Variants in MKLN1 observed in about 807,000 individuals in gnomAD.
The protein encoded by MKLN1 is muskelin.
In MKLN1, 18 loss-of-function variants were observed where a neutral mutation model predicts 99.0. The observed-to-expected ratio is 0.18, with a 90% CI of 0.13 to 0.27. MKLN1 has a LOEUF of 0.27. MKLN1 is among the 10% of genes least tolerant of loss of function. MKLN1 has a pLI of 1.00. For missense variants in MKLN1, 621 were observed against 875.9 expected, an observed-to-expected ratio of 0.71 and a Z score of 3.67; for synonymous variants, 288 against 293.2, an observed-to-expected ratio of 0.98 and a Z score of 0.18.
At chr7:131,372,458 C>T (rs1302480833) in intron 1 of MKLN1, among the ~76,000 whole-genome samples, 5 of 152,050 alleles carry the variant, frequency 3.3e-5, no homozygotes, top group African/African-American at 7.2e-5. Context: ...ACTTAGTATA[C>T]GTTCTTTGTC....
At chr7:131,360,238 A>G (rs1269585176) in intron 1 of MKLN1, among the ~76,000 whole-genome samples, 3 of 151,720 alleles carry the variant, frequency 2.0e-5, no homozygotes, top group Non-Finnish European at 2.9e-5. Flanking sequence ...TTTTTTATCT[A>G]CTCTAACAGC....
chr7:131,127,624 C>T (rs1213832336), intron 1 of MKLN1, among the ~76,000 whole-genome samples: 2 of 152,228 alleles, frequency 1.3e-5, no homozygotes, highest in Admixed American at 1.3e-4. Flanking sequence ...ATACTCAGAA[C>T]AGTGTCTAAC....
At chr7:131,231,383 AAG>A (rs1797242163) in intron 3 of MKLN1, among the ~76,000 whole-genome samples, 1 of 152,088 alleles carries the variant, frequency 6.6e-6, no homozygotes, top group Non-Finnish European at 1.5e-5. Flanking sequence ...ATGCAGCCTG[AAG>A]CACTTGGCTC....
chr7:131,277,949 G>A (rs1436965670), intron 3 of MKLN1, among the ~76,000 whole-genome samples: 2 of 152,130 alleles, frequency 1.3e-5, no homozygotes, highest in Non-Finnish European at 2.9e-5. Flanking sequence ...ATCAATAGAT[G>A]TAAGATCTGC....
intron 7 of MKLN1, among the ~76,000 whole-genome samples, chr7:131,414,232 C>T (rs749405170): frequency 1.3e-5 from 2 of 152,010 alleles, no homozygotes; most frequent in Non-Finnish European, 2.9e-5. Context: ...TTTGATAACT[C>T]GACTTTAAAA....
chr7:131,275,565 A>ATG (rs1429291720), intron 3 of MKLN1, among the ~76,000 whole-genome samples: 1 of 6,610 alleles, frequency 1.5e-4, no homozygotes, highest in African/African-American at 5.6e-4. Flanking sequence ...ATATATATAT[A>ATG]TATTTTTTTT....
At chr7:131,330,122 T>G (rs150183297) in intron 1 of MKLN1, among the ~76,000 whole-genome samples, 1 of 152,220 alleles carries the variant, frequency 6.6e-6, no homozygotes, top group Admixed American at 6.5e-5. Flanking sequence ...TCTGAACTTC[T>G]ATAAGCAAGC....
chr7:131,124,721 G>T (rs1433685210), intron 1 of MKLN1, among the ~76,000 whole-genome samples: 2 of 152,054 alleles, frequency 1.3e-5, no homozygotes, highest in African/African-American at 4.8e-5. Flanking sequence ...TTGGATGTGG[G>T]TCCCTTGTCT....
In MKLN1 at chr7:131,494,784, T is replaced by G. The variant is rs1267985550; in HGVS notation, c.*7056T>G. 1 of 152,232 alleles carries G rather than the reference T, an allele frequency of 6.6e-6. No individual in the cohort carries two copies. Among genetic ancestry groups the G allele is most frequent in the East Asian group, 1.9e-4 (1 of 5,206 alleles). 9.4% of individuals were successfully genotyped at this position (152,232 alleles called of 1,614,324 possible). On this transcript the variant is annotated 3_prime_UTR_variant, in exon 18 of 18. Transcript: ENST00000352689. ...TTACTTTTTGGATTTGTGTGAAATG[T>G]CTTTTGAAAAGAAAGTAGATAGTAT...
At chr7:131,467,666 G>A (rs1188736112) in intron 15 of MKLN1, among the ~76,000 whole-genome samples, 1 of 152,152 alleles carries the variant, frequency 6.6e-6, no homozygotes, top group Non-Finnish European at 1.5e-5. Flanking sequence ...AGGAAATGAG[G>A]TTGAAAGGAC....
chr7:131,235,121 G>T (rs1410537853), intron 3 of MKLN1, among the ~76,000 whole-genome samples: 6 of 151,934 alleles, frequency 3.9e-5, no homozygotes, highest in Admixed American at 3.9e-4. Context: ...CTTATAGGTG[G>T]CTGGGATCAG....
chr7:131,435,159 T>C (rs1795640198), intron 9 of MKLN1, among the ~76,000 whole-genome samples: 1 of 152,364 alleles, frequency 6.6e-6, no homozygotes, highest in Admixed American at 6.5e-5. Flanking sequence ...TGTCAGATTA[T>C]CCTGATTGAT....
Position 131,470,938 on chromosome 7 carries a change from A to G in MKLN1, c.2025A>G (p.Thr675=), listed in dbSNP as rs767454027. ...ITVDHSDPEE[T]KEFQLLASAL... ...TGGATCATTCAGACCCAGAAGAGAC[A>G]AAAGAGGTAAAGAAAGGTGGTAATA... Residue 675 remains threonine, a synonymous_variant, in exon 16 of 18, where the codon ACA becomes ACG. Coordinates refer to ENST00000352689, the MANE Select transcript of MKLN1 (RefSeq NM_013255.5). 4.4e-6 allele frequency: 7 copies of G among 1,590,044 alleles called. No individual in the cohort carries two copies. Among genetic ancestry groups the G allele is most frequent in the South Asian group, 2.3e-5 (2 of 88,120 alleles).
chr7:131,302,910 G>A (rs1050923286), intron 3 of MKLN1, among the ~76,000 whole-genome samples: 2 of 152,132 alleles, frequency 1.3e-5, no homozygotes, highest in African/African-American at 2.4e-5. Flanking sequence ...CTGGCTGGTC[G>A]CTGAGAGGCC....
At chr7:131,357,290 G>C (rs1378970952) in intron 1 of MKLN1, among the ~76,000 whole-genome samples, 4 of 152,142 alleles carry the variant, frequency 2.6e-5, no homozygotes, top group Admixed American at 6.5e-5. Context: ...GTACTGGACA[G>C]GTGTATTGTA....
rs567012575 is a variant in MKLN1, at chr7:131,282,120, C to T, written c.-179+79146C>T. Among the ~76,000 whole-genome samples, 333 of 152,122 alleles carry T rather than the reference C, an allele frequency of 2.2e-3. 1 individual carries two copies. Among genetic ancestry groups the T allele is most frequent in the Admixed American group, 3.9e-3 (60 of 15,296 alleles). Reference sequence around the variant, plus strand: ...ATCCCAGCACTTTGGGAGGCCAAGGCGGGTGGATTACCTGAGTTTGGGAGT... The same window carrying T: ...ATCCCAGCACTTTGGGAGGCCAAGGTGGGTGGATTACCTGAGTTTGGGAGT... On this transcript the variant is annotated intron_variant, in intron 3 of 7. Coordinates refer to the MKLN1 transcript ENST00000416992.
At chr7:131,249,817 G>A (rs1163698087) in intron 3 of MKLN1, among the ~76,000 whole-genome samples, 2 of 152,108 alleles carry the variant, frequency 1.3e-5, no homozygotes, top group Non-Finnish European at 2.9e-5. Context: ...CAGGGGAAGG[G>A]GCAGGAGATG....
chr7:131,185,768 T>C (rs1796441341), intron 2 of MKLN1, among the ~76,000 whole-genome samples: 1 of 152,086 alleles, frequency 6.6e-6, no homozygotes, highest in South Asian at 2.1e-4. Flanking sequence ...GTGTGTGAAA[T>C]GGTGATAATT....
intron 3 of MKLN1, among the ~76,000 whole-genome samples, chr7:131,246,838 G>T (rs1446535806): frequency 6.6e-6 from 1 of 152,076 alleles, no homozygotes; most frequent in Non-Finnish European, 1.5e-5. Flanking sequence ...TTGGATTCTA[G>T]GACAATCTTG....
Sources: allele counts gnomAD v4.1 joint callset (sites outside exome capture counted in the v4.1 genomes callset), GRCh38; gene constraint gnomAD v4.1.1; transcripts MANE v1.5; gene names NCBI Gene and HGNC (gene_info 2026-07-23, HGNC 2026-07-21).